Variants in MACROD2 observed in about 807,000 individuals in gnomAD.
MACROD2 encodes ADP-ribose glycohydrolase MACROD2.
In MACROD2, 36 loss-of-function variants were observed where a neutral mutation model predicts 70.4. That is an observed-to-expected ratio of 0.51 (90% CI 0.39 to 0.68). MACROD2 has a LOEUF of 0.68. Among genes scored for constraint, MACROD2 ranks in the 30% least tolerant of loss-of-function variants. MACROD2 has a pLI of 0.00. For synonymous variants in MACROD2, 172 were observed against 178.8 expected, an observed-to-expected ratio of 0.96 and a Z score of 0.30; for missense variants, 496 against 538.4, an observed-to-expected ratio of 0.92 and a Z score of 0.78.
chr20:15,816,651 C>T (rs1030653419), intron 8 of MACROD2, among the ~76,000 whole-genome samples: 4 of 152,162 alleles, frequency 2.6e-5, no homozygotes, highest in African/African-American at 9.7e-5. Flanking sequence ...GACAAGCAAA[C>T]TTATATCTGA....
chr20:15,753,768 AC>A (rs1244155157), intron 8 of MACROD2, among the ~76,000 whole-genome samples: 1 of 152,158 alleles, frequency 6.6e-6, no homozygotes, highest in East Asian at 1.9e-4. Flanking sequence ...CTGCAGCCTC[AC>A]CAGCATCTGT....
chr20:14,230,654 T>TATATATATATAAAAAAA, intron 3 of MACROD2, among the ~76,000 whole-genome samples: 23 of 74,240 alleles, frequency 3.1e-4, no homozygotes, highest in African/African-American at 1.5e-3. Flanking sequence ...TATATATATA[T>TATATATATATAAAAAAA]AACACAGGCT....
At chr20:14,378,665 TA>T (rs1171873557) in intron 3 of MACROD2, among the ~76,000 whole-genome samples, 1 of 152,214 alleles carries the variant, frequency 6.6e-6, no homozygotes, top group Admixed American at 6.5e-5. Flanking sequence ...TGACAGTAAT[TA>T]AATATCACAA....
At chr20:14,356,438 A>C (rs1022947850) in intron 3 of MACROD2, among the ~76,000 whole-genome samples, 1 of 151,250 alleles carries the variant, frequency 6.6e-6, no homozygotes, top group African/African-American at 2.4e-5. Flanking sequence ...GTTATAGCTC[A>C]TCTCTGCTCC....
At chr20:14,676,256 C>G (rs2070860127) in intron 4 of MACROD2, among the ~76,000 whole-genome samples, 1 of 152,146 alleles carries the variant, frequency 6.6e-6, no homozygotes, top group Admixed American at 6.6e-5. Context: ...TTCTTTTCAG[C>G]ACCACATCAT....
At chr20:14,688,182 C>T (rs1274606119) in intron 5 of MACROD2, among the ~76,000 whole-genome samples, 1 of 152,058 alleles carries the variant, frequency 6.6e-6, no homozygotes, top group Non-Finnish European at 1.5e-5. Context: ...TGCTATCTGT[C>T]CTCTGAGACA....
At chr20:14,996,055 TTG>T (rs142647244) in intron 5 of MACROD2, among the ~76,000 whole-genome samples, 1 of 151,734 alleles carries the variant, frequency 6.6e-6, no homozygotes. Flanking sequence ...ACAACTGTGT[TTG>T]TGTGTGTGTG....
chr20:15,465,387 G>A (rs2046871487), intron 7 of MACROD2, among the ~76,000 whole-genome samples: 1 of 152,248 alleles, frequency 6.6e-6, no homozygotes, highest in Admixed American at 6.5e-5. Context: ...CAGGCAAGGT[G>A]GAGAGTGATG....
intron 10 of MACROD2, among the ~76,000 whole-genome samples, chr20:15,904,330 A>G (rs1302411737): frequency 6.6e-6 from 1 of 152,178 alleles, no homozygotes; most frequent in Admixed American, 6.5e-5. Context: ...AAATTTTCCA[A>G]TTAAGCAAAA....
chr20:15,654,593 C>A, intron 8 of MACROD2, among the ~76,000 whole-genome samples: 1 of 152,202 alleles, frequency 6.6e-6, no homozygotes, highest in East Asian at 1.9e-4. Flanking sequence ...TCAAACTGCC[C>A]CCTTCAAAAT....
chr20:15,472,397 C>T (rs539998532), intron 7 of MACROD2, among the ~76,000 whole-genome samples: 1 of 152,122 alleles, frequency 6.6e-6, no homozygotes, highest in South Asian at 2.1e-4. Context: ...GCTTAGAAGA[C>T]TATACCCTTC....
intron 7 of MACROD2, among the ~76,000 whole-genome samples, chr20:15,461,943 A>T (rs2146415848): frequency 6.6e-6 from 1 of 150,870 alleles, no homozygotes; most frequent in South Asian, 2.1e-4. Context: ...TAAAAATAAG[A>T]TTTTTTTTTT....
intron 12 of MACROD2, among the ~76,000 whole-genome samples, chr20:15,951,544 G>A (rs1315320014): frequency 6.6e-6 from 1 of 151,998 alleles, no homozygotes; most frequent in Non-Finnish European, 1.5e-5. Context: ...AATTAGCCCT[G>A]TTATTTTGCA....
chr20:14,382,550 C>T (rs963769906), intron 3 of MACROD2, among the ~76,000 whole-genome samples: 7 of 151,878 alleles, frequency 4.6e-5, no homozygotes, highest in African/African-American at 1.7e-4. Context: ...TGCCTGTAAT[C>T]CCAGCGACTC....
At chr20:14,258,369 C>T (rs1300668586) in intron 3 of MACROD2, among the ~76,000 whole-genome samples, 6 of 144,042 alleles carry the variant, frequency 4.2e-5, no homozygotes, top group Non-Finnish European at 9.0e-5. Context: ...CTTTTCACCA[C>T]ATCCTTGCCA....
At chr20:15,950,377 G>A (rs906402086) in intron 12 of MACROD2, among the ~76,000 whole-genome samples, 5 of 152,148 alleles carry the variant, frequency 3.3e-5, no homozygotes, top group African/African-American at 1.2e-4. Context: ...AGCAGGATGA[G>A]GAAGGAGGGT....
Position 15,461,006 on chromosome 20 carries a change from A to ATTTTTT in MACROD2, c.571+29575_571+29580dup, listed in dbSNP as rs951397131. ...TATATATATATATATATATATATAT[A>ATTTTTT]TTTTTTTTTAATAGATGGGGTCTTG... is the stretch of plus-strand genomic sequence containing the variant. On this transcript the variant is annotated intron_variant, in intron 7 of 17. Coordinates refer to ENST00000684519, the MANE Select transcript of MACROD2 (RefSeq NM_001351661.2). 2.8e-3 allele frequency among the ~76,000 whole-genome samples: 186 copies of ATTTTTT among 66,738 alleles called. 1 individual carries two copies. Among genetic ancestry groups the ATTTTTT allele is most frequent in the Middle Eastern group, 8.8e-3 (1 of 114 alleles). 43.8% of individuals were successfully genotyped at this position (66,738 alleles called of 152,430 possible).
At chr20:14,660,433 T>A in intron 4 of MACROD2, among the ~76,000 whole-genome samples, 1 of 152,246 alleles carries the variant, frequency 6.6e-6, no homozygotes, top group East Asian at 1.9e-4. Context: ...TAAAGAACTT[T>A]AACTTATTTG....
At chr20:14,081,263 C>T (rs1005543873) in intron 2 of MACROD2, among the ~76,000 whole-genome samples, 1 of 152,140 alleles carries the variant, frequency 6.6e-6, no homozygotes, top group Admixed American at 6.5e-5. Flanking sequence ...TAGTTATTTC[C>T]CATCCACTCA....
Sources: gnomAD v4.1 joint callset for allele counts (sites outside exome capture counted in the v4.1 genomes callset) on GRCh38, gnomAD v4.1.1 for gene constraint, MANE v1.5 for transcripts, NCBI Gene and HGNC (gene_info 2026-07-23, HGNC 2026-07-21) for gene names.